The following DSCAM variants were observed in gnomAD, a reference collection of about 807,000 sequenced individuals.
The protein encoded by DSCAM is DS cell adhesion molecule.
In DSCAM, 47 loss-of-function variants were observed where a neutral mutation model predicts 217.7. That is an observed-to-expected ratio of 0.22 (90% CI 0.17 to 0.28). The LOEUF is 0.28. Among genes scored for constraint, DSCAM ranks in the 10% least tolerant of loss-of-function variants. The pLI is 1.00. For synonymous variants in DSCAM, 1,056 were observed against 1,015.3 expected (o/e 1.04, Z -0.76); for missense variants, 2,080 against 2,618.3 (o/e 0.79, Z 4.49).
chr21:40,111,080 C>T (rs1170834534), intron 20 of DSCAM, among the ~76,000 whole-genome samples: 1 of 152,006 alleles, frequency 6.6e-6, no homozygotes, highest in Non-Finnish European at 1.5e-5. Flanking sequence ...TAAAGATACT[C>T]CTTGAGAAGA....
chr21:40,841,085 G>A (rs1601333966), intron 1 of DSCAM, among the ~76,000 whole-genome samples: 1 of 152,140 alleles, frequency 6.6e-6, no homozygotes, highest in East Asian at 1.9e-4. Flanking sequence ...CAGGCGTAAC[G>A]ATTACCACAG....
intron 28 of DSCAM, among the ~76,000 whole-genome samples, chr21:40,060,331 T>C (rs1228193853): frequency 6.6e-6 from 1 of 152,216 alleles, no homozygotes; most frequent in African/African-American, 2.4e-5. Context: ...AGTAGGAATG[T>C]ACTCTAGAAT....
intron 3 of DSCAM, among the ~76,000 whole-genome samples, chr21:40,691,454 TTTG>T (rs2090536980): frequency 6.6e-6 from 1 of 152,202 alleles, no homozygotes; most frequent in Non-Finnish European, 1.5e-5. Context: ...GCCTCTCCCC[TTTG>T]ATTCCGAGCT....
chr21:40,836,236 T>G (rs1465071229), intron 1 of DSCAM, among the ~76,000 whole-genome samples: 1 of 152,216 alleles, frequency 6.6e-6, no homozygotes, highest in Non-Finnish European at 1.5e-5. Flanking sequence ...AGGGCTTCTC[T>G]GCTGGGACTC....
At chr21:40,821,739 T>C (rs1051332045) in intron 1 of DSCAM, among the ~76,000 whole-genome samples, 3 of 152,090 alleles carry the variant, frequency 2.0e-5, no homozygotes, top group Admixed American at 6.5e-5. Flanking sequence ...CCATTATCCT[T>C]AGCAAACTAG....
chr21:40,324,424 A>C (rs2074296242), intron 8 of DSCAM, among the ~76,000 whole-genome samples: 1 of 151,492 alleles, frequency 6.6e-6, no homozygotes, highest in South Asian at 2.1e-4. Flanking sequence ...ATGCACTTCC[A>C]AAAAAAATGG....
chr21:40,350,168 T>C (rs1416328203), intron 5 of DSCAM, among the ~76,000 whole-genome samples: 1 of 152,122 alleles, frequency 6.6e-6, no homozygotes, highest in Non-Finnish European at 1.5e-5. Flanking sequence ...ATGTAAAACC[T>C]AAAACCATAG....
chr21:40,452,741 C>T (rs1023994828), intron 3 of DSCAM, among the ~76,000 whole-genome samples: 7 of 151,428 alleles, frequency 4.6e-5, no homozygotes, highest in African/African-American at 1.7e-4. Context: ...TTTTTTAGTG[C>T]ATGATGCAAA....
chr21:40,058,150 G>A (rs952240693), intron 28 of DSCAM, among the ~76,000 whole-genome samples: 2 of 151,834 alleles, frequency 1.3e-5, no homozygotes, highest in African/African-American at 4.8e-5. Context: ...GGGATTACAG[G>A]TGTGAGCCAC....
chr21:40,393,702 A>G (rs1601609745), intron 3 of DSCAM, among the ~76,000 whole-genome samples: 1 of 152,148 alleles, frequency 6.6e-6, no homozygotes, highest in East Asian at 1.9e-4. Context: ...TTTTTTCTAC[A>G]TATATATAGT....
intron 11 of DSCAM, among the ~76,000 whole-genome samples, chr21:40,248,382 TC>T (rs1195293433): frequency 2.0e-5 from 3 of 152,322 alleles, no homozygotes; most frequent in African/African-American, 4.8e-5. Flanking sequence ...ACCCAAGTCA[TC>T]TTTTGAATGC....
chr21:40,277,410 C>A (rs906541528), intron 10 of DSCAM, among the ~76,000 whole-genome samples: 5 of 152,258 alleles, frequency 3.3e-5, no homozygotes, highest in African/African-American at 9.6e-5. Flanking sequence ...GTATTGGTCT[C>A]ACTCGAGCTC....
intron 16 of DSCAM, among the ~76,000 whole-genome samples, chr21:40,145,596 C>T (rs2090345557): frequency 6.6e-6 from 1 of 152,044 alleles, no homozygotes; most frequent in Non-Finnish European, 1.5e-5. Flanking sequence ...TGTAATCCCA[C>T]CACTTTGGGA....
chr21:40,628,605 T>C (rs1156919836), intron 3 of DSCAM, among the ~76,000 whole-genome samples: 4 of 152,204 alleles, frequency 2.6e-5, no homozygotes, highest in South Asian at 2.1e-4. Context: ...CTAAAATATC[T>C]AGTGTCTGTT....
intron 32 of DSCAM, among the ~76,000 whole-genome samples, chr21:40,021,334 G>A (rs1405521603): frequency 1.3e-5 from 2 of 152,154 alleles, no homozygotes; most frequent in Admixed American, 6.5e-5. Flanking sequence ...ACAGTGGTAA[G>A]GAGCAGTGGA....
At chr21:40,118,564 C>T (rs1042248256) in intron 20 of DSCAM, among the ~76,000 whole-genome samples, 7 of 152,062 alleles carry the variant, frequency 4.6e-5, no homozygotes, top group Admixed American at 3.9e-4. Flanking sequence ...TATAGCCTGG[C>T]GACAGAGTGA....
chr21:40,658,421 T>A (rs1277002912), intron 3 of DSCAM, among the ~76,000 whole-genome samples: 1 of 152,138 alleles, frequency 6.6e-6, no homozygotes, highest in Non-Finnish European at 1.5e-5. Context: ...TAATAAGTGG[T>A]TTGCACTTCA....
At chr21:40,351,116 G>A (rs560894430) in intron 5 of DSCAM, among the ~76,000 whole-genome samples, 41 of 152,032 alleles carry the variant, frequency 2.7e-4, no homozygotes, top group African/African-American at 9.2e-4. Flanking sequence ...AGGAAAACCC[G>A]TCATTGAAGA....
chr21:40,188,286 T>C (rs2090917146), intron 12 of DSCAM, among the ~76,000 whole-genome samples: 1 of 152,230 alleles, frequency 6.6e-6, no homozygotes, highest in Non-Finnish European at 1.5e-5. Context: ...GGATGTGTAA[T>C]TTATATAAGA....
Sources: allele counts gnomAD v4.1 joint callset (sites outside exome capture counted in the v4.1 genomes callset), GRCh38; gene constraint gnomAD v4.1.1; transcripts MANE v1.5; gene names NCBI Gene and HGNC (gene_info 2026-07-23, HGNC 2026-07-21).